Variants in AGMO observed in about 807,000 individuals in gnomAD.
AGMO encodes the protein glyceryl-ether monooxygenase.
AGMO carries 75 observed loss-of-function variants against 60.2 expected under a neutral mutation model. That is an observed-to-expected ratio of 1.25 (90% CI 1.03 to 1.51). The LOEUF is 1.51. Among genes scored for constraint, AGMO ranks in the 40% most tolerant of loss-of-function variants. The pLI is 0.00. For missense variants in AGMO, 763 were observed against 525.5 expected (o/e 1.45, Z -4.42); for synonymous variants, 261 against 177.1 (o/e 1.47, Z -3.76).
In AGMO at chr7:15,418,645, G is replaced by T; in HGVS notation, c.522C>A (p.Tyr174Ter). ...VLQIYTSWIFYSPLALFIPPS... is the reference protein window; with the variant it reads ...VLQIYTSWIF Reference sequence around the variant, plus strand: ...GGGGTATGAAGAGGGCCAGGGGAGAGTAGAAAATCTGAAAGAAAAAATTAA... The same window carrying T: ...GGGGTATGAAGAGGGCCAGGGGAGATTAGAAAATCTGAAAGAAAAAATTAA... The change falls in exon 5 of 13, where the codon TAC (tyrosine) becomes TAA (stop). Residue 174 changes from tyrosine (Y) to a stop codon, truncating the protein, a stop_gained. Coordinates refer to ENST00000342526, the MANE Select transcript of AGMO (RefSeq NM_001004320.2). LOFTEE classifies it high-confidence loss of function. The T allele has an allele frequency of 6.4e-7, 1 of 1,550,464 alleles. No homozygotes were observed. Among genetic ancestry groups the T allele is most frequent in the Non-Finnish European group, 8.7e-7 (1 of 1,153,226 alleles).
chr7:15,507,941 G>A (rs1433801861), intron 3 of AGMO, among the ~76,000 whole-genome samples: 3 of 151,956 alleles, frequency 2.0e-5, no homozygotes, highest in Non-Finnish European at 4.4e-5. Context: ...ATGACTGCTG[G>A]GATGGGTGAT....
intron 9 of AGMO, 96 bp from the exon 10 acceptor site, chr7:15,385,658 T>A (rs1261464565): frequency 1.4e-6 from 1 of 703,140 alleles, no homozygotes; most frequent in Non-Finnish European, 2.3e-6. Context: ...TATCTGCTAT[T>A]TTTTTTAAAA....
intron 2 of AGMO, among the ~76,000 whole-genome samples, chr7:15,558,870 C>G (rs1279101941): frequency 6.6e-6 from 1 of 151,898 alleles, no homozygotes; most frequent in Non-Finnish European, 1.5e-5. Flanking sequence ...TCCCACTGGG[C>G]GGTTAATAGA....
intron 12 of AGMO, among the ~76,000 whole-genome samples, chr7:15,319,434 CAA>C (rs1402981737): frequency 6.6e-6 from 1 of 151,990 alleles, no homozygotes; most frequent in African/African-American, 2.4e-5. Flanking sequence ...ACTGGGGATC[CAA>C]AGAGATGTAC....
intron 12 of AGMO, among the ~76,000 whole-genome samples, chr7:15,335,600 C>A (rs990288093): frequency 6.6e-6 from 1 of 152,104 alleles, no homozygotes; most frequent in African/African-American, 2.4e-5. Flanking sequence ...CATCTTTGTG[C>A]AGACAGGCCC....
At chr7:15,314,652 A>G (rs1022573720) in intron 12 of AGMO, among the ~76,000 whole-genome samples, 36 of 152,200 alleles carry the variant, frequency 2.4e-4, no homozygotes, top group Admixed American at 9.2e-4. Flanking sequence ...AAAAATATAT[A>G]AAATAATAGT....
chr7:15,117,564 A>G, the AGMO span, among the ~76,000 whole-genome samples: 1 of 151,944 alleles, frequency 6.6e-6, no homozygotes, highest in East Asian at 1.9e-4. Context: ...AAAATTACCT[A>G]CTGGGTACAC....
chr7:15,483,965 T>C, intron 3 of AGMO, among the ~76,000 whole-genome samples: 1 of 152,166 alleles, frequency 6.6e-6, no homozygotes, highest in Non-Finnish European at 1.5e-5. Flanking sequence ...GGTGCAAGGA[T>C]AGAAAAATAA....
At chr7:15,384,048 G>T (rs769478524) in intron 10 of AGMO, among the ~76,000 whole-genome samples, 2 of 151,930 alleles carry the variant, frequency 1.3e-5, no homozygotes, top group Non-Finnish European at 2.9e-5. Flanking sequence ...TCATTCTTCT[G>T]CCTCAGCCTC....
chr7:15,385,425 C>G, intron 10 of AGMO, 21 bp downstream of exon 10: 1 of 1,430,374 alleles, frequency 7.0e-7, no homozygotes, highest in Non-Finnish European at 9.8e-7. Flanking sequence ...TCTCACACTA[C>G]TTAAAATGGA....
chr7:15,334,451 C>T lies in AGMO; in HGVS notation c.1263+31063G>A, dbSNP rs73679474. ...TTCTGTGATATCAAAGTGACTAAAACGTAGGTGATTAGAAAACAGCAATCT... is the reference window on the plus strand; with the variant it reads ...TTCTGTGATATCAAAGTGACTAAAATGTAGGTGATTAGAAAACAGCAATCT... On this transcript the variant is annotated intron_variant, in intron 12 of 12. Transcript: ENST00000342526. Among the ~76,000 whole-genome samples, 457 of 151,980 alleles carry T rather than the reference C, an allele frequency of 3.0e-3. 2 individuals are homozygous for T. Among genetic ancestry groups the T allele is most frequent in the African/African-American group, 0.01 (434 of 41,486 alleles).
intron 12 of AGMO, among the ~76,000 whole-genome samples, chr7:15,258,929 C>A (rs1237393880): frequency 6.6e-6 from 1 of 152,044 alleles, no homozygotes; most frequent in Non-Finnish European, 1.5e-5. Flanking sequence ...GAACAGCAGT[C>A]CTTGAATCTC....
rs546289671 is a variant in AGMO at position 15,219,624 on chromosome 7, T to C, written c.1264-18265A>G. On this transcript the variant is annotated intron_variant, in intron 12 of 12. Transcript: ENST00000342526. ...TTGAAGCGTTCTCATCCTGGAGCTA[T>C]GTGATTCGATTTACTCTTCAGCACC... Among the ~76,000 whole-genome samples, 20 of 152,276 alleles carry C rather than the reference T, an allele frequency of 1.3e-4. No individual in the cohort carries two copies. The East Asian group carries it at 3.9e-3, about 29-fold the overall frequency.
chr7:15,503,038 G>A (rs531954782), intron 3 of AGMO, among the ~76,000 whole-genome samples: 24 of 152,156 alleles, frequency 1.6e-4, no homozygotes, highest in African/African-American at 5.5e-4. Context: ...TTGGAACTGA[G>A]ACATTGATTC....
intron 12 of AGMO, among the ~76,000 whole-genome samples, chr7:15,251,393 C>T (rs569128029): frequency 1.1e-4 from 17 of 152,214 alleles, no homozygotes; most frequent in South Asian, 6.2e-4. Context: ...AACATTTGTT[C>T]CATCTGTGAT....
chr7:15,128,014 T>C, the AGMO span, among the ~76,000 whole-genome samples: 4 of 152,082 alleles, frequency 2.6e-5, no homozygotes, highest in Non-Finnish European at 4.4e-5. Flanking sequence ...TCTGAGCCAT[T>C]GCTTGTAGTT....
the AGMO span, among the ~76,000 whole-genome samples, chr7:15,156,053 T>C: frequency 6.6e-6 from 1 of 151,974 alleles, no homozygotes; most frequent in African/African-American, 2.4e-5. Context: ...TACGCTCTAA[T>C]GGGGGCTGCT....
intron 5 of AGMO, among the ~76,000 whole-genome samples, chr7:15,400,935 G>A (rs931523449): frequency 1.3e-5 from 2 of 151,980 alleles, no homozygotes; most frequent in East Asian, 1.9e-4. Context: ...CTTATGATCC[G>A]CCCTATCCTG....
At chr7:15,401,496 C>G (rs1784551153) in intron 5 of AGMO, among the ~76,000 whole-genome samples, 1 of 152,130 alleles carries the variant, frequency 6.6e-6, no homozygotes, top group Non-Finnish European at 1.5e-5. Flanking sequence ...CCTCTTACCT[C>G]ATTCTGACTA....
Sources: gnomAD v4.1 joint callset for allele counts (sites outside exome capture counted in the v4.1 genomes callset) on GRCh38, gnomAD v4.1.1 for gene constraint, MANE v1.5 for transcripts, NCBI Gene and HGNC (gene_info 2026-07-23, HGNC 2026-07-21) for gene names.